The following MDGA2 variants were observed in gnomAD, a reference collection of about 807,000 sequenced individuals.
MDGA2 encodes the protein MAM domain containing glycosylphosphatidylinositol anchor 2.
MDGA2 carries 40 observed loss-of-function variants against 117.8 expected under a neutral mutation model. The ratio of observed to expected loss-of-function variants is 0.34; its 90% CI spans 0.26 to 0.44. MDGA2 has a LOEUF of 0.44. MDGA2 is among the 20% of genes least tolerant of loss of function. The probability of loss-of-function intolerance (pLI) is 1.00; values close to 1 mark genes in which losing one functional copy is unlikely to be tolerated. For synonymous variants in MDGA2, 452 were observed against 439.0 expected (o/e 1.03, Z -0.37); for missense variants, 1,123 against 1,250.6 (o/e 0.90, Z 1.54).
rs775365673 is a variant in MDGA2, at chr14:47,061,414, G to A, written c.1360C>T (p.Arg454Trp). 1.1e-5 allele frequency: 18 copies of A among 1,613,436 alleles called. No individual in the cohort carries two copies. The Admixed American group carries it at 2.0e-4, about 18-fold the overall frequency. The stretch of plus-strand genomic sequence containing the variant: ...GGATCAGTCTGTGTAATGACCATCC[G>A]CTCAGAACTTCTTAATGGACGACCA... Reference protein sequence around the residue: ...KNGRPLRSSERMVITQTDPDV... With the variant: ...KNGRPLRSSEWMVITQTDPDV... Residue 454 changes from arginine (R) to tryptophan (W), a missense_variant, in exon 7 of 17, where the codon CGG becomes TGG. Physicochemically the swap from Arg to Trp is moderately radical, Grantham distance 101. This residue lies in a region of MDGA2 where 890 missense variants were observed against 1,050.3 expected (regional missense o/e 0.85). Transcript: ENST00000399232.
chr14:47,051,840 G>C (rs1018541524), intron 7 of MDGA2, among the ~76,000 whole-genome samples: 1 of 151,830 alleles, frequency 6.6e-6, no homozygotes, highest in African/African-American at 2.4e-5. Flanking sequence ...GTGAATGGTA[G>C]GTTAGTAGTG....
intron 9 of MDGA2, among the ~76,000 whole-genome samples, chr14:46,926,680 A>T (rs1566528674): frequency 2.0e-5 from 3 of 151,740 alleles, no homozygotes; most frequent in African/African-American, 7.3e-5. Context: ...ATCTTGAGTA[A>T]ATTAATTAGA....
intron 9 of MDGA2, among the ~76,000 whole-genome samples, chr14:46,956,601 G>C (rs1433191068): frequency 6.6e-6 from 1 of 151,400 alleles, no homozygotes; most frequent in Non-Finnish European, 1.5e-5. Flanking sequence ...AAAAATTCTG[G>C]TAATAAGAAA....
At chr14:47,649,741 T>C (rs888566213) in intron 1 of MDGA2, among the ~76,000 whole-genome samples, 5 of 151,842 alleles carry the variant, frequency 3.3e-5, no homozygotes, top group African/African-American at 1.2e-4. Context: ...TAGAGCATAA[T>C]AAATTATAAT....
At chr14:47,515,349 A>G (rs1023787083) in intron 1 of MDGA2, among the ~76,000 whole-genome samples, 2 of 152,162 alleles carry the variant, frequency 1.3e-5, no homozygotes, top group Non-Finnish European at 2.9e-5. Flanking sequence ...TAACCTGTGA[A>G]TACCCTGCAC....
intron 1 of MDGA2, among the ~76,000 whole-genome samples, chr14:47,660,591 T>TA (rs1897827230): frequency 6.6e-6 from 1 of 152,194 alleles, no homozygotes; most frequent in African/African-American, 2.4e-5. Flanking sequence ...AATCCGCTGA[T>TA]AGAGTCTCCT....
chr14:46,882,316 A>G (rs1882493238), intron 10 of MDGA2, 95 bp from the exon 11 acceptor site: 1 of 1,066,166 alleles, frequency 9.4e-7, no homozygotes, highest in Non-Finnish European at 1.3e-6. Context: ...ATTAAATCAA[A>G]AAGTACGTAT....
intron 2 of MDGA2, among the ~76,000 whole-genome samples, chr14:47,268,737 T>C (rs1888047875): frequency 6.6e-6 from 1 of 152,204 alleles, no homozygotes; most frequent in South Asian, 2.1e-4. Flanking sequence ...TACCCTGTGA[T>C]GATCTGATGA....
intron 2 of MDGA2, among the ~76,000 whole-genome samples, chr14:47,291,102 A>C (rs1888871707): frequency 6.6e-6 from 1 of 152,174 alleles, no homozygotes; most frequent in South Asian, 2.1e-4. Flanking sequence ...CCAACATCAA[A>C]GCAGCTAGAT....
chr14:46,870,533 C>T (rs1229715498), intron 14 of MDGA2, among the ~76,000 whole-genome samples: 2 of 151,980 alleles, frequency 1.3e-5, no homozygotes, highest in Admixed American at 1.3e-4. Context: ...TAACTGATTA[C>T]TCAATGTCTG....
intron 8 of MDGA2, among the ~76,000 whole-genome samples, chr14:47,023,208 A>G (rs1888355400): frequency 6.6e-6 from 1 of 151,578 alleles, no homozygotes; most frequent in Non-Finnish European, 1.5e-5. Context: ...TAAAAAAAAA[A>G]AAAAAAAAAG....
At chr14:47,474,246 A>T (rs540651473) in intron 1 of MDGA2, among the ~76,000 whole-genome samples, 11 of 152,300 alleles carry the variant, frequency 7.2e-5, no homozygotes, top group South Asian at 4.1e-4. Flanking sequence ...ATACAAAGAG[A>T]ATAAAATACC....
At position 46,915,758 on chromosome 14, in the gene MDGA2, T is replaced by C. The variant is rs548457572; in HGVS notation, c.2238+4254A>G. ...GAAGCAAAGCGGCAGGAGGCATCAT[T>C]AAGGAACTGCGGGGGACATGTGGAC... On this transcript the variant is annotated intron_variant, in intron 10 of 16. Coordinates refer to ENST00000399232, the MANE Select transcript of MDGA2 (RefSeq NM_001113498.3). Among the ~76,000 whole-genome samples the C allele has an allele frequency of 3.2e-4, 48 of 152,160 alleles. 1 individual carries two copies. In the South Asian group the frequency reaches 9.3e-3, roughly 30 times the overall value.
chr14:47,609,616 G>T lies in MDGA2; in HGVS notation c.280+64901C>A, dbSNP rs188891742. ...TGGGTAGATACCCAGTAGTGGGATT[G>T]CTGGATCAAATGGTAGTTCTACTTT... On this transcript the variant is annotated intron_variant, in intron 1 of 16. Coordinates refer to ENST00000399232, the MANE Select transcript of MDGA2 (RefSeq NM_001113498.3). Among the ~76,000 whole-genome samples, 370 of 150,858 alleles carry T rather than the reference G, an allele frequency of 2.5e-3. 2 individuals are homozygous for T. The highest frequency in any genetic ancestry group is 6.2e-3 in the African/African-American group (257 of 41,192).
At chr14:47,363,512 C>G (rs538814081) in intron 1 of MDGA2, among the ~76,000 whole-genome samples, 1 of 152,208 alleles carries the variant, frequency 6.6e-6, no homozygotes, top group East Asian at 1.9e-4. Flanking sequence ...CACACCTCAG[C>G]CTCCCAAAGT....
At chr14:47,609,428 C>CATATATATATATAT (rs3040345) in intron 1 of MDGA2, among the ~76,000 whole-genome samples, 383 of 17,498 alleles carry the variant, frequency 0.022, 58 homozygotes, top group South Asian at 0.057. Flanking sequence ...AGTATTCCAT[C>CATATATATATATAT]ATATATATAT....
chr14:47,597,262 T>C (rs1395060012), intron 1 of MDGA2, among the ~76,000 whole-genome samples: 1 of 152,186 alleles, frequency 6.6e-6, no homozygotes, highest in Non-Finnish European at 1.5e-5. Context: ...CAAGATTGGG[T>C]AATCAATAAA....
intron 2 of MDGA2, among the ~76,000 whole-genome samples, chr14:47,300,159 T>C (rs1889227255): frequency 6.6e-6 from 1 of 152,220 alleles, no homozygotes; most frequent in Admixed American, 6.5e-5. Context: ...AGGGTTAAAA[T>C]GGTGAGTTCA....
At chr14:47,266,647 T>A (rs1287635500) in intron 2 of MDGA2, among the ~76,000 whole-genome samples, 1 of 152,184 alleles carries the variant, frequency 6.6e-6, no homozygotes. Flanking sequence ...CCCTATAATC[T>A]CTTCAGTCTC....
Sources: allele counts gnomAD v4.1 joint callset (sites outside exome capture counted in the v4.1 genomes callset), GRCh38; gene constraint gnomAD v4.1.1; regional missense constraint gnomAD v4.1.1; transcripts MANE v1.5; gene names NCBI Gene and HGNC (gene_info 2026-07-23, HGNC 2026-07-21).